The following DUSP10 variants were observed in gnomAD, a reference collection of about 807,000 sequenced individuals.
DUSP10 encodes the protein dual specificity phosphatase 10.
In DUSP10, 14 loss-of-function variants were observed where a neutral mutation model predicts 30.8. That is an observed-to-expected ratio of 0.46 (90% CI 0.30 to 0.71). The LOEUF is 0.71. Among genes scored for constraint, DUSP10 ranks in the 30% least tolerant of loss-of-function variants. The pLI is 0.08. For missense variants in DUSP10, 550 were observed against 619.4 expected, an observed-to-expected ratio of 0.89 and a Z score of 1.19; for synonymous variants, 254 against 250.4, an observed-to-expected ratio of 1.01 and a Z score of -0.14.
At chr1:221,711,658 T>C (rs1355280503) in intron 2 of DUSP10, 2 of 152,266 alleles carry the variant, frequency 1.3e-5, no homozygotes, top group Non-Finnish European at 1.5e-5. Context: ...GAGCAAGTTA[T>C]TGATGTCTCT....
At chr1:221,719,030 T>G (rs538566417) in intron 2 of DUSP10, among the ~76,000 whole-genome samples, 38 of 152,304 alleles carry the variant, frequency 2.5e-4, no homozygotes, top group African/African-American at 8.9e-4. Context: ...TGTATGGAAG[T>G]GCCCAGCCAA....
intron 2 of DUSP10, among the ~76,000 whole-genome samples, chr1:221,727,438 A>G (rs970447763): frequency 6.6e-6 from 1 of 152,248 alleles, no homozygotes; most frequent in African/African-American, 2.4e-5. Context: ...AGCTATTTAT[A>G]TCCTCCTGGA....
intron 3 of DUSP10, among the ~76,000 whole-genome samples, chr1:221,705,043 G>A (rs1660713563): frequency 1.3e-5 from 2 of 150,450 alleles, no homozygotes; most frequent in South Asian, 4.2e-4. Context: ...AAAAGTTGAA[G>A]TTACGTAAAA....
intron 3 of DUSP10, among the ~76,000 whole-genome samples, chr1:221,703,179 A>AT (rs907907533): frequency 6.7e-4 from 100 of 149,040 alleles, no homozygotes; most frequent in Admixed American, 6.6e-3. Context: ...TCACACATAT[A>AT]TATGTATATG....
At chr1:221,716,277 GCTAGTGCAGA>G (rs543166684) in intron 2 of DUSP10, among the ~76,000 whole-genome samples, 77 of 152,308 alleles carry the variant, frequency 5.1e-4, no homozygotes, top group African/African-American at 1.6e-3. Flanking sequence ...GTAAGGCTCT[GCTAGTGCAGA>G]GAATACCATC....
chr1:221,714,787 A>G (rs1212227524), intron 2 of DUSP10, among the ~76,000 whole-genome samples: 2 of 152,026 alleles, frequency 1.3e-5, no homozygotes, highest in Non-Finnish European at 2.9e-5. Context: ...TCTATGTCCT[A>G]AATTTTCTTG....
At chr1:221,720,143 C>T (rs1399369919) in intron 2 of DUSP10, among the ~76,000 whole-genome samples, 2 of 152,182 alleles carry the variant, frequency 1.3e-5, no homozygotes, top group East Asian at 1.9e-4. Flanking sequence ...TGTAGCATAG[C>T]TTCTAAAACC....
intron 2 of DUSP10, among the ~76,000 whole-genome samples, chr1:221,719,243 A>G (rs1361842112): frequency 1.3e-5 from 2 of 152,232 alleles, no homozygotes; most frequent in Admixed American, 6.5e-5. Context: ...AAGGCATAGC[A>G]ACAACTTCCT....
chr1:221,737,690 G>A (rs1661820567), intron 2 of DUSP10, among the ~76,000 whole-genome samples: 1 of 152,196 alleles, frequency 6.6e-6, no homozygotes, highest in Non-Finnish European at 1.5e-5. Flanking sequence ...AGAGCGGAGG[G>A]TGGGAAGAGG....
chr1:221,727,634 TC>T (rs1231709800), intron 2 of DUSP10, among the ~76,000 whole-genome samples: 1 of 152,222 alleles, frequency 6.6e-6, no homozygotes, highest in Non-Finnish European at 1.5e-5. Flanking sequence ...TCTAAAGTCA[TC>T]CTGGGGTTGT....
chr1:221,717,463 AG>A (rs1661139573), intron 2 of DUSP10, among the ~76,000 whole-genome samples: 1 of 150,932 alleles, frequency 6.6e-6, no homozygotes, highest in African/African-American at 2.4e-5. Context: ...AGAAACAGAG[AG>A]AGAGAGAGAG....
intron 1 of DUSP10, among the ~76,000 whole-genome samples, chr1:221,741,502 C>G (rs1661954507): frequency 6.6e-6 from 1 of 152,136 alleles, no homozygotes; most frequent in Admixed American, 6.5e-5. Context: ...ACCATCCAGT[C>G]TGGCCCAGAA....
At chr1:221,725,488 A>T (rs187978235) in intron 2 of DUSP10, among the ~76,000 whole-genome samples, 1 of 152,300 alleles carries the variant, frequency 6.6e-6, no homozygotes, top group East Asian at 1.9e-4. Context: ...GCCATCCTCA[A>T]GGTAGGAATT....
chr1:221,742,078 A>G lies in DUSP10; in HGVS notation c.-141T>C, dbSNP rs943744398. On this transcript the variant is annotated 5_prime_UTR_variant, in exon 1 of 4. Coordinates refer to ENST00000366899, the MANE Select transcript of DUSP10 (RefSeq NM_007207.6). ...TCACTCGGCTTCATTGATCTCCAGC[A>G]GCAACATAGTTACTTTCTCTTTTGC... 1 of 152,298 alleles carries G rather than the reference A, an allele frequency of 6.6e-6. No homozygotes were observed. The highest frequency in any genetic ancestry group is 1.5e-5 in the Non-Finnish European group (1 of 68,102). The allele number at this position is 152,298 out of a possible 1,614,324, so 9.4% of individuals were successfully genotyped here.
chr1:221,707,309 A>T (rs898772366), intron 2 of DUSP10, among the ~76,000 whole-genome samples: 9 of 152,172 alleles, frequency 5.9e-5, no homozygotes, highest in African/African-American at 2.2e-4. Context: ...CTTTTTTGAT[A>T]TTCTCCACGT....
chr1:221,703,482 G>A lies in DUSP10; in HGVS notation c.1184-805C>T, dbSNP rs570537649. Among the ~76,000 whole-genome samples the A allele has an allele frequency of 3.3e-5, 5 of 152,262 alleles. No homozygotes were observed. The East Asian group carries it at 9.6e-4, about 29-fold the overall frequency. On this transcript the variant is annotated intron_variant, in intron 3 of 3. Coordinates refer to ENST00000366899, the MANE Select transcript of DUSP10 (RefSeq NM_007207.6). ...GTTCAGCTTCTCCCCAGAAAATCCA[G>A]TTGTTGCAAAGTTAACTAAAGGCTA...
intron 3 of DUSP10, among the ~76,000 whole-genome samples, chr1:221,705,504 C>G (rs148339124): frequency 9.2e-5 from 14 of 152,184 alleles, no homozygotes; most frequent in Admixed American, 6.5e-4. Context: ...GGGATCAAAG[C>G]GTGCTGTTGC....
intron 2 of DUSP10, among the ~76,000 whole-genome samples, chr1:221,737,880 A>G (rs1352333660): frequency 6.6e-6 from 1 of 152,206 alleles, no homozygotes; most frequent in African/African-American, 2.4e-5. Flanking sequence ...CAAACTCAGC[A>G]ACACCTTTGG....
intron 2 of DUSP10, among the ~76,000 whole-genome samples, chr1:221,729,103 T>C (rs972537353): frequency 6.6e-6 from 1 of 152,242 alleles, no homozygotes; most frequent in African/African-American, 2.4e-5. Context: ...GCATAGAGTC[T>C]GGCATGTAAG....
Sources: gnomAD v4.1 joint callset for allele counts (sites outside exome capture counted in the v4.1 genomes callset) on GRCh38, gnomAD v4.1.1 for gene constraint, MANE v1.5 for transcripts, NCBI Gene and HGNC (gene_info 2026-07-23, HGNC 2026-07-21) for gene names.